Variants in ARFGEF1 observed in about 807,000 individuals in gnomAD.
The protein encoded by ARFGEF1 is ARF guanine nucleotide exchange factor 1, also known as brefeldin A-inhibited guanine nucleotide-exchange protein 1.
ARFGEF1 carries 42 observed loss-of-function variants against 231.0 expected under a neutral mutation model. The observed-to-expected ratio is 0.18, with a 90% CI of 0.14 to 0.24. The LOEUF (loss-of-function observed/expected upper bound fraction) is 0.24. Ranked by LOEUF, ARFGEF1 falls within the 10% of genes least tolerant of loss-of-function variation. ARFGEF1 has a pLI of 1.00. For missense variants in ARFGEF1, 1,345 were observed against 2,192.0 expected (o/e 0.61, Z 7.72); for synonymous variants, 710 against 732.3 (o/e 0.97, Z 0.49).
rs80016813 is a variant in ARFGEF1, at chr8:67,303,109, A to G, written c.125-643T>C. Among the ~76,000 whole-genome samples the G allele has an allele frequency of 1.2e-3, 187 of 152,118 alleles. 2 individuals are homozygous for G. Among genetic ancestry groups the G allele is most frequent in the Non-Finnish European group, 2.4e-3 (163 of 67,998 alleles). On this transcript the variant is annotated intron_variant, in intron 1 of 38. Transcript: ENST00000262215. ...AACAAGACCCTGTCCTCCCACCAAA[A>G]AAAAAAAATCACAACAGAATAATGT...
chr8:67,224,105 T>A (rs189330356), intron 29 of ARFGEF1, among the ~76,000 whole-genome samples: 407 of 152,280 alleles, frequency 2.7e-3, no homozygotes, highest in Admixed American at 5.8e-3. Context: ...AGAGATTCAT[T>A]CTGTGCTACC....
At chr8:67,244,266 A>AAAAAAAAAAAAAAAAAC (rs1563860748) in intron 19 of ARFGEF1, among the ~76,000 whole-genome samples, 1 of 17,208 alleles carries the variant, frequency 5.8e-5, no homozygotes, top group African/African-American at 2.9e-4. Flanking sequence ...AAAAAAAAAA[A>AAAAAAAAAAAAAAAAAC]AACATTCGAC....
chr8:67,220,708 A>G (rs1205450018), intron 29 of ARFGEF1, among the ~76,000 whole-genome samples: 1 of 152,184 alleles, frequency 6.6e-6, no homozygotes, highest in Non-Finnish European at 1.5e-5. Flanking sequence ...GCAATGGAAC[A>G]AGGCTCCCTC....
At position 67,266,167 on chromosome 8, in the gene ARFGEF1, T is replaced by C. The variant is rs1239704382; in HGVS notation, c.1962A>G (p.Lys654=). The change falls in exon 14 of 39, where the codon AAA becomes AAG. Residue 654 remains lysine, a synonymous_variant. Transcript: ENST00000262215. ...CGTATCTGTTTATTGTCTCAGGGTGTTTGATTTCACTCATCTCTTGCTCTG... is the reference window on the plus strand; with the variant it reads ...CGTATCTGTTTATTGTCTCAGGGTGCTTGATTTCACTCATCTCTTGCTCTG... ...KPSEQEMSEI[K]HPETINRYGS... 2.5e-6 allele frequency: 4 copies of C among 1,613,602 alleles called. No homozygotes were observed. Among genetic ancestry groups the C allele is most frequent in the Middle Eastern group, 1.6e-4 (1 of 6,084 alleles).
intron 1 of ARFGEF1, among the ~76,000 whole-genome samples, chr8:67,331,834 GTTGT>G (rs1808114455): frequency 6.6e-6 from 1 of 152,104 alleles, no homozygotes; most frequent in Non-Finnish European, 1.5e-5. Flanking sequence ...TCAGTGCTCT[GTTGT>G]TTATTTGTAC....
chr8:67,233,011 G>A, intron 22 of ARFGEF1, 66 bp from the exon 23 acceptor site: 1 of 1,279,898 alleles, frequency 7.8e-7, no homozygotes, highest in Non-Finnish European at 1.1e-6. Context: ...CACTTAACAA[G>A]TTCTAAAACA....
At chr8:67,241,049 G>A (rs1284379478) in intron 19 of ARFGEF1, among the ~76,000 whole-genome samples, 1 of 152,104 alleles carries the variant, frequency 6.6e-6, no homozygotes, top group Non-Finnish European at 1.5e-5. Context: ...TAGCCATATA[G>A]CCATAAAGAT....
At chr8:67,299,846 T>C (rs1222216224) in intron 3 of ARFGEF1, among the ~76,000 whole-genome samples, 2 of 152,116 alleles carry the variant, frequency 1.3e-5, no homozygotes, top group South Asian at 2.1e-4. Flanking sequence ...TACATGCCTA[T>C]AGTCCCAGCT....
Position 67,296,364 on chromosome 8 carries a change from G to A in ARFGEF1, c.639+67C>T, listed in dbSNP as rs1806232077. 9.1e-6 allele frequency: 13 copies of A among 1,424,440 alleles called. No individual in the cohort carries two copies. The East Asian group carries it at 1.1e-4, about 13-fold the overall frequency. The allele number at this position is 1,424,440 out of a possible 1,614,324, so 88.2% of individuals were successfully genotyped here. On this transcript the variant is annotated intron_variant, in intron 5 of 38. Transcript: ENST00000262215. ...GTACAAAGATTTCACTCTAATTACT[G>A]TAAACTCCTTTCTATGTTTAATGCC...
chr8:67,323,451 T>C (rs991916348), intron 1 of ARFGEF1, among the ~76,000 whole-genome samples: 4 of 152,162 alleles, frequency 2.6e-5, no homozygotes, highest in African/African-American at 9.7e-5. Context: ...TAAACTACTA[T>C]CAACCAAACA....
intron 29 of ARFGEF1, among the ~76,000 whole-genome samples, chr8:67,222,212 C>CACACACAT (rs1213028578): frequency 8.5e-6 from 1 of 117,898 alleles, no homozygotes. Context: ...TATACACACA[C>CACACACAT]ATATATATAT....
chr8:67,271,589 C>T, intron 10 of ARFGEF1, 113 bp downstream of exon 10: 1 of 782,036 alleles, frequency 1.3e-6, no homozygotes, highest in East Asian at 2.7e-5. Context: ...AAGTGCATGG[C>T]AATATACAAA....
At chr8:67,259,657 G>A (rs112018901) in intron 15 of ARFGEF1, among the ~76,000 whole-genome samples, 158 bp downstream of exon 15, 3,378 of 152,292 alleles carry the variant, frequency 0.022, 82 homozygotes, top group South Asian at 0.047. Flanking sequence ...GCTCACGCCT[G>A]TAATCCCAGC....
At chr8:67,227,879 GA>G in intron 25 of ARFGEF1, 83 bp downstream of exon 25, 11 of 1,177,896 alleles carry the variant, frequency 9.3e-6, no homozygotes, top group African/African-American at 3.2e-5. Flanking sequence ...GCTTGGAAGG[GA>G]AAAAGGCTCA....
chr8:67,274,347 A>G (rs1805224960), intron 9 of ARFGEF1, among the ~76,000 whole-genome samples: 2 of 152,012 alleles, frequency 1.3e-5, no homozygotes, highest in Admixed American at 1.3e-4. Flanking sequence ...ATCATTAAAA[A>G]CAGAAAACTA....
chr8:67,256,371 A>T (rs529875336), intron 17 of ARFGEF1, among the ~76,000 whole-genome samples: 1 of 152,336 alleles, frequency 6.6e-6, no homozygotes, highest in East Asian at 1.9e-4. Context: ...TTAAAACAGG[A>T]GTAACTTCAC....
chr8:67,343,621 G>A lies in ARFGEF1; in HGVS notation c.-334C>T. 1.9e-6 allele frequency: 2 copies of A among 1,039,274 alleles called. No individual in the cohort carries two copies. Among genetic ancestry groups the A allele is most frequent in the Non-Finnish European group, 2.3e-6 (2 of 865,554 alleles). The allele number at this position is 1,039,274 out of a possible 1,614,324, so 64.4% of individuals were successfully genotyped here. A position where few individuals can be genotyped will look rare whatever the true frequency, so the allele number is the denominator to read the frequency against. On this transcript the variant is annotated 5_prime_UTR_variant, in exon 1 of 39. Coordinates refer to ENST00000262215, the MANE Select transcript of ARFGEF1 (RefSeq NM_006421.5). ...GGTGGCGGTGAGGGAGCCCGGCCCG[G>A]GCGGCTGTCTGCCGGGAACTGAGGG...
At position 67,226,125 on chromosome 8, in the gene ARFGEF1, C is replaced by T. The variant is rs1323027707; in HGVS notation, c.3975G>A (p.Lys1325=). 3 of 1,613,142 alleles carry T rather than the reference C, an allele frequency of 1.9e-6. No individual in the cohort carries two copies. The highest frequency in any genetic ancestry group is 1.7e-5 in the Admixed American group (1 of 59,908). Residue 1325 remains lysine (K), a synonymous_variant, in exon 28 of 39, where the codon AAG becomes AAA. Transcript: ENST00000262215. The part of the protein sequence containing the change: ...ATIDSFQDAV[K]CLSEFACNAA... ...CATTGCACGCAAATTCAGACAAACA[C>T]TTCACTGCATCCTGGAAAGAATCAA... is the stretch of plus-strand genomic sequence containing the variant.
chr8:67,317,018 T>C (rs1200713017), intron 1 of ARFGEF1, among the ~76,000 whole-genome samples: 1 of 152,174 alleles, frequency 6.6e-6, no homozygotes, highest in South Asian at 2.1e-4. Context: ...ACTCACTCAA[T>C]AATTCCTGTG....
Sources: allele counts gnomAD v4.1 joint callset (sites outside exome capture counted in the v4.1 genomes callset), GRCh38; gene constraint gnomAD v4.1.1; transcripts MANE v1.5; gene names NCBI Gene and HGNC (gene_info 2026-07-23, HGNC 2026-07-21).